Variants in GRAMD4 observed in about 807,000 individuals in gnomAD.
GRAMD4 encodes the protein GRAM domain containing 4.
A neutral mutation model predicts 83.9 loss-of-function variants in GRAMD4; 25 were observed. The ratio of observed to expected loss-of-function variants is 0.30; its 90% CI spans 0.22 to 0.42. The LOEUF (loss-of-function observed/expected upper bound fraction) is 0.42, where lower values mean the gene tolerates loss of function less well. Among genes scored for constraint, GRAMD4 ranks in the 10% least tolerant of loss-of-function variants. The probability of loss-of-function intolerance (pLI) is 1.00; values close to 1 mark genes in which losing one functional copy is unlikely to be tolerated. For missense variants in GRAMD4, 593 were observed against 788.7 expected, an observed-to-expected ratio of 0.75 and a Z score of 2.97; for synonymous variants, 336 against 320.9, an observed-to-expected ratio of 1.05 and a Z score of -0.50.
upstream of GRAMD4, among the ~76,000 whole-genome samples, chr22:46,576,819 G>T (rs2081045851): frequency 6.7e-6 from 1 of 148,316 alleles, no homozygotes; most frequent in African/African-American, 2.5e-5. Flanking sequence ...GGCGTCCGCC[G>T]TGGCAAGCGC....
At chr22:46,632,056 C>T (rs972634218) in intron 2 of GRAMD4, among the ~76,000 whole-genome samples, 13 of 152,268 alleles carry the variant, frequency 8.5e-5, no homozygotes, top group Admixed American at 6.5e-5. Flanking sequence ...GCACCATGTC[C>T]TCCAGGTGTG....
At chr22:46,648,110 G>C (rs923751413) in intron 3 of GRAMD4, among the ~76,000 whole-genome samples, 2 of 151,788 alleles carry the variant, frequency 1.3e-5, no homozygotes, top group Non-Finnish European at 2.9e-5. Context: ...AGGTAGATGG[G>C]TGGACGGGTG....
At chr22:46,596,536 T>G (rs1332662013) in intron 1 of GRAMD4, among the ~76,000 whole-genome samples, 1 of 152,188 alleles carries the variant, frequency 6.6e-6, no homozygotes, top group Non-Finnish European at 1.5e-5. Flanking sequence ...ATTTAGAGAT[T>G]AGCCTTTTTT....
At chr22:46,618,779 T>A, upstream of GRAMD4, among the ~76,000 whole-genome samples, 1 of 152,156 alleles carries the variant, frequency 6.6e-6, no homozygotes, top group East Asian at 1.9e-4. The surrounding 1 kb of genome is among the most constrained non-coding windows in gnomAD (Gnocchi z 5.8). Flanking sequence ...CAGCCCCGTC[T>A]GGAGGCGTGC....
intron 4 of GRAMD4, among the ~76,000 whole-genome samples, chr22:46,660,441 G>A (rs1424369939): frequency 2.0e-5 from 3 of 152,148 alleles, no homozygotes; most frequent in Non-Finnish European, 4.4e-5. Flanking sequence ...GCTGTGGTCT[G>A]TCCAGGGTGG....
chr22:46,681,256 C>T (rs1342877423), downstream of GRAMD4, among the ~76,000 whole-genome samples: 1 of 152,018 alleles, frequency 6.6e-6, no homozygotes, highest in African/African-American at 2.4e-5. Flanking sequence ...CCAGGGGCTT[C>T]TGAGTGCTCA....
chr22:46,676,062 C>G (rs1601692473), intron 17 of GRAMD4, among the ~76,000 whole-genome samples: 1 of 152,214 alleles, frequency 6.6e-6, no homozygotes, highest in African/African-American at 2.4e-5. Context: ...ACACTTGGCC[C>G]GAGTGGTCAG....
chr22:46,601,551 C>CT, intron 1 of GRAMD4, among the ~76,000 whole-genome samples: 1 of 152,090 alleles, frequency 6.6e-6, no homozygotes, highest in Non-Finnish European at 1.5e-5. Flanking sequence ...AATCTCAGCA[C>CT]TTTGGGAGGC....
intron 1 of GRAMD4, among the ~76,000 whole-genome samples, chr22:46,604,361 T>TTCTC (rs890953291): frequency 6.6e-6 from 1 of 151,706 alleles, no homozygotes; most frequent in Non-Finnish European, 1.5e-5. Flanking sequence ...AGGATCGGTT[T>TTCTC]TCTCTCTCTC....
chr22:46,670,104 G>A (rs536747950), intron 13 of GRAMD4, among the ~76,000 whole-genome samples: 10 of 152,318 alleles, frequency 6.6e-5, no homozygotes, highest in South Asian at 6.2e-4. Context: ...TGCCGGAGTC[G>A]GGAGGTCAGA....
intron 6 of GRAMD4, 101 bp downstream of exon 6, chr22:46,663,273 C>A: frequency 1.7e-6 from 2 of 1,164,286 alleles, no homozygotes; most frequent in Non-Finnish European, 1.2e-6. Context: ...TGGGCCAAAG[C>A]TGTCTGTGAG....
intron 2 of GRAMD4, among the ~76,000 whole-genome samples, chr22:46,635,640 C>CT (rs146805026): frequency 0.027 from 1,221 of 44,568 alleles, 241 homozygotes; most frequent in East Asian, 0.11. Context: ...CCTGGGGGAC[C>CT]GTGTCCTCCC....
At chr22:46,607,212 G>T (rs895001739) in intron 1 of GRAMD4, among the ~76,000 whole-genome samples, 90 of 152,016 alleles carry the variant, frequency 5.9e-4, no homozygotes, top group Admixed American at 8.5e-4. Flanking sequence ...AAAAGGGGGG[G>T]GTCATACAGC....
Position 46,613,169 on chromosome 22 carries a change from G to A in GRAMD4, c.-49-13582G>A, listed in dbSNP as rs73461302. 4.8e-3 allele frequency among the ~76,000 whole-genome samples: 737 copies of A among 152,328 alleles called. 7 individuals carry two copies. Among genetic ancestry groups the A allele is most frequent in the African/African-American group, 0.017 (705 of 41,570 alleles). ...AGAGTAGGGCTGTGTTTTTGCTGTC[G>A]TTACCACTGCTGGCTGGGCAGGTTG... On this transcript the variant is annotated intron_variant, in intron 1 of 1. Coordinates refer to the GRAMD4 transcript ENST00000431155.
upstream of GRAMD4, among the ~76,000 whole-genome samples, chr22:46,576,598 G>A (rs2081044089): frequency 1.3e-5 from 2 of 152,326 alleles, no homozygotes; most frequent in South Asian, 4.1e-4. Context: ...AGCGGGGTTC[G>A]TGCTGCGTCC....
chr22:46,620,083 C>T (rs563353552), upstream of GRAMD4, among the ~76,000 whole-genome samples: 8 of 151,562 alleles, frequency 5.3e-5, no homozygotes, highest in African/African-American at 1.7e-4. The surrounding 1 kb of genome is among the most constrained non-coding windows in gnomAD (Gnocchi z 4.7). Context: ...GAAGGAGACA[C>T]GGCTCAGGGC....
In GRAMD4 at chr22:46,663,095, T is replaced by C. The variant is rs2542040; in HGVS notation, c.522T>C (p.Phe174=). ...TGCAGAAGTGGTTCTACGAGCGGTT[T>C]GGGGAGTACGTGGAGGACTTCCGGT... ...SRLQKWFYER[F]GEYVEDFRFQ... Residue 174 remains phenylalanine (F), a synonymous_variant, in exon 6 of 19, where the codon TTT becomes TTC. Transcript: ENST00000406902. 1 allele frequency: 1,612,008 copies of C among 1,612,440 alleles called. 805,792 individuals carry two copies. Among genetic ancestry groups the C allele is most frequent in the Admixed American group, 1 (60,018 of 60,018 alleles).
upstream of GRAMD4, among the ~76,000 whole-genome samples, chr22:46,615,427 G>A (rs1309474393): frequency 3.1e-5 from 4 of 129,428 alleles, no homozygotes; most frequent in African/African-American, 1.2e-4. Context: ...GTTCCCCCAT[G>A]TGTAGGTTCC....
chr22:46,673,959 G>C, intron 15 of GRAMD4, 145 bp downstream of exon 15: 1 of 910,124 alleles, frequency 1.1e-6, no homozygotes, highest in Non-Finnish European at 1.7e-6. Flanking sequence ...ACTGCCCCAG[G>C]AGGAGTGCAG....
Sources: allele counts gnomAD v4.1 joint callset (sites outside exome capture counted in the v4.1 genomes callset), GRCh38; gene constraint gnomAD v4.1.1; non-coding constraint Gnocchi (gnomAD v3.1); transcripts MANE v1.5; gene names NCBI Gene and HGNC (gene_info 2026-07-23, HGNC 2026-07-21).